CAPN6: variants seen among roughly 807,000 people sequenced by gnomAD.
The protein encoded by CAPN6 is calpain 6.
CAPN6 carries 16 observed loss-of-function variants against 46.0 expected under a neutral mutation model. That is an observed-to-expected ratio of 0.35 (90% CI 0.24 to 0.53). The LOEUF (loss-of-function observed/expected upper bound fraction) is 0.53, where lower values mean the gene tolerates loss of function less well. Ranked by LOEUF, CAPN6 falls within the 20% of genes least tolerant of loss-of-function variation. The probability of loss-of-function intolerance (pLI) is 0.94; values close to 1 mark genes in which losing one functional copy is unlikely to be tolerated. For synonymous variants in CAPN6, 206 were observed against 172.8 expected, an observed-to-expected ratio of 1.19 and a Z score of -1.51; for missense variants, 461 against 498.0, an observed-to-expected ratio of 0.93 and a Z score of 0.71.
At chrX:111,263,171 C>T (rs1241904855) in intron 2 of CAPN6, among the ~76,000 whole-genome samples, 2 of 111,809 alleles carry the variant, frequency 1.8e-5, no homozygotes, top group Admixed American at 1.9e-4. Flanking sequence ...GTTTTTTGTA[C>T]AGAAATATTC....
At position 111,252,487 on chromosome X, in the gene CAPN6, A is replaced by G. The variant is rs774490327; in HGVS notation, c.519T>C (p.Cys173=). 2 of 1,203,868 alleles carry G rather than the reference A, an allele frequency of 1.7e-6. No individual in the cohort carries two copies. Among genetic ancestry groups the G allele is most frequent in the South Asian group, 1.8e-5 (1 of 54,998 alleles). The stretch of plus-strand genomic sequence containing the variant: ...TGGTCAAACCATCCAGGGCCTCATA[A>G]CAGCCTAGCAGCCTGAGGGCAAGTA... The part of the protein sequence containing the change: ...LEKAYAKLLG[C]YEALDGLTIT... Residue 173 remains cysteine (C), a synonymous_variant, in exon 5 of 13, where the codon TGT becomes TGC. Coordinates refer to ENST00000324068, the MANE Select transcript of CAPN6 (RefSeq NM_014289.4).
chrX:111,252,129 G>A (rs2094980082), intron 5 of CAPN6, among the ~76,000 whole-genome samples, 178 bp downstream of exon 5: 1 of 111,657 alleles, frequency 9.0e-6, no homozygotes, highest in African/African-American at 3.3e-5. Flanking sequence ...TGGTACAAAA[G>A]GATAAAAAAC....
intron 2 of CAPN6, 127 bp downstream of exon 2, chrX:111,263,641 AAAAG>A (rs1200752247): frequency 1.6e-5 from 7 of 450,423 alleles, no homozygotes; most frequent in Non-Finnish European, 2.5e-5. Flanking sequence ...AGCTGAAAAA[AAAAG>A]AAAGGAAGGA....
rs1318492675 is a variant in CAPN6, at chrX:111,246,650, C to T, written c.1853G>A (p.Gly618Asp). The change falls in exon 13 of 13, where the codon GGT (glycine) becomes GAT (aspartate). Residue 618 changes from glycine (G) to aspartate (D), a missense_variant. Physicochemically the swap from Gly to Asp is moderately conservative, Grantham distance 94. Coordinates refer to ENST00000324068, the MANE Select transcript of CAPN6 (RefSeq NM_014289.4). The part of the protein sequence containing the change: ...LKSLYLRKKG[G>D]PTAKVKQGHI... ...GCCTTGCTTGACTTTGGCAGTTGGA[C>T]CACCCTTCTTACGCAGGTACAGAGA... 5.8e-6 allele frequency: 7 copies of T among 1,208,763 alleles called. No individual in the cohort carries two copies. The highest frequency in any genetic ancestry group is 1.1e-6 in the Non-Finnish European group (1 of 894,540).
intron 2 of CAPN6, among the ~76,000 whole-genome samples, chrX:111,255,857 A>G (rs995475874): frequency 2.7e-5 from 3 of 111,307 alleles, no homozygotes; most frequent in Non-Finnish European, 5.7e-5. Flanking sequence ...TTTTTTTTAG[A>G]TGCATGCCTG....
chrX:111,266,572 C>T (rs2094992149), intron 1 of CAPN6, among the ~76,000 whole-genome samples: 1 of 112,629 alleles, frequency 8.9e-6, no homozygotes, highest in South Asian at 3.6e-4. Flanking sequence ...ATGGCAATTT[C>T]TTGTTTGAAA....
intron 5 of CAPN6, 136 bp from the exon 6 acceptor site, chrX:111,251,878 A>G: frequency 2.0e-6 from 1 of 493,552 alleles, no homozygotes; most frequent in East Asian, 3.3e-5. Context: ...CTGACACCCA[A>G]CTTGAAACAA....
Position 111,267,778 on chromosome X carries a change from T to G in CAPN6, c.-16+2593A>C, listed in dbSNP as rs745372027. ...CTGCCTAGTTTCTCCTTTTCCTCAG[T>G]TTCATCCCTGTTCTGTACTTGGAGC... On this transcript the variant is annotated intron_variant, in intron 1 of 12. Coordinates refer to ENST00000324068, the MANE Select transcript of CAPN6 (RefSeq NM_014289.4). Among the ~76,000 whole-genome samples the G allele has an allele frequency of 1.2e-4, 13 of 111,426 alleles. No homozygotes were observed. In the Admixed American group the frequency reaches 1.2e-3, roughly 11 times the overall value.
rs951790817 is a variant in CAPN6 at position 111,248,555 on chromosome X, G to A, written c.1484+14C>T. 21 of 1,188,983 alleles carry A rather than the reference G, an allele frequency of 1.8e-5. No homozygotes were observed. Among genetic ancestry groups the A allele is most frequent in the African/African-American group, 5.3e-5 (3 of 56,829 alleles). On this transcript the variant is annotated intron_variant, in intron 10 of 12. Coordinates refer to ENST00000324068, the MANE Select transcript of CAPN6 (RefSeq NM_014289.4). ...AAAGAACAGGGGTTTGAGGGCTTGC[G>A]AAGGAAACTGAACCTGAGCTGGACA...
At chrX:111,249,754 G>T (rs2094977486) in intron 8 of CAPN6, among the ~76,000 whole-genome samples, 1 of 109,625 alleles carries the variant, frequency 9.1e-6, no homozygotes, top group Non-Finnish European at 1.9e-5. Flanking sequence ...GAATTCAAGG[G>T]TGCAGTGAAC....
intron 2 of CAPN6, among the ~76,000 whole-genome samples, chrX:111,262,863 TG>T (rs889959340): frequency 6.3e-5 from 7 of 112,000 alleles, no homozygotes; most frequent in African/African-American, 2.3e-4. Context: ...TAATAGGTGG[TG>T]AAAGACCTAC....
In CAPN6 at chrX:111,263,846, T is replaced by A; in HGVS notation, c.91A>T (p.Thr31Ser). The A allele has an allele frequency of 8.3e-7, 1 of 1,208,408 alleles. No individual in the cohort carries two copies. The highest frequency in any genetic ancestry group is 1.1e-6 in the Non-Finnish European group (1 of 893,261). Residue 31 changes from threonine (T) to serine (S), a missense_variant, in exon 2 of 13, where the codon ACA becomes TCA. Coordinates refer to ENST00000324068, the MANE Select transcript of CAPN6 (RefSeq NM_014289.4). ...AGAGAATCATTCTCAGGCAGAAATG[T>A]TGGATCACAGAAAAGTCTGCTGTCT... ...IKDSRLFCDP[T>S]FLPENDSLFY... is the part of the protein sequence containing the mutation.
At chrX:111,252,754 G>C (rs1235359969) in intron 4 of CAPN6, among the ~76,000 whole-genome samples, 1 of 112,092 alleles carries the variant, frequency 8.9e-6, no homozygotes, top group Non-Finnish European at 1.9e-5. Flanking sequence ...AGTGCCATGT[G>C]ATCTGCAGAT....
intron 3 of CAPN6, among the ~76,000 whole-genome samples, chrX:111,253,982 T>A (rs1569481096): frequency 8.9e-6 from 1 of 112,086 alleles, no homozygotes; most frequent in East Asian, 2.8e-4. Context: ...ACTGAGTCAA[T>A]GCACGGCAAA....
At chrX:111,262,747 G>A (rs1304064384) in intron 2 of CAPN6, among the ~76,000 whole-genome samples, 1 of 111,919 alleles carries the variant, frequency 8.9e-6, no homozygotes, top group East Asian at 2.8e-4. Flanking sequence ...TTTATACACT[G>A]AGCTCCTGCT....
chrX:111,251,490 G>A lies in CAPN6; in HGVS notation c.893+59C>T, dbSNP rs2094979434. 8 of 1,012,056 alleles carry A rather than the reference G, an allele frequency of 7.9e-6. No homozygotes were observed. The African/African-American group carries it at 9.4e-5, about 12-fold the overall frequency. The allele number at this position is 1,012,056 out of a possible 1,213,427, so 83.4% of individuals were successfully genotyped here. On this transcript the variant is annotated intron_variant, in intron 6 of 12. Transcript: ENST00000324068. ...CAGCACACTAGCAGTCTGGAGGGAT[G>A]GGTCTGGGAGAACTACAGGGCTTTG...
rs752312507 is a variant in CAPN6 at position 111,253,657 on chromosome X, T to C, written c.298-441A>G. ...TCTAGAGATTTTATATCAATTATATTAAATATGGATTTCATTTGCATTTTG... is the reference window on the plus strand; with the variant it reads ...TCTAGAGATTTTATATCAATTATATCAAATATGGATTTCATTTGCATTTTG... On this transcript the variant is annotated intron_variant, in intron 3 of 12. Transcript: ENST00000324068. Among the ~76,000 whole-genome samples the C allele has an allele frequency of 8.0e-5, 9 of 112,733 alleles. No individual in the cohort carries two copies. In the South Asian group the frequency reaches 3.3e-3, roughly 41 times the overall value.
intron 2 of CAPN6, among the ~76,000 whole-genome samples, chrX:111,262,343 T>C (rs776999769): frequency 1.2e-4 from 13 of 112,241 alleles, no homozygotes; most frequent in Non-Finnish European, 2.3e-4. Flanking sequence ...AGTAAACAAG[T>C]CTTGATGTAA....
intron 2 of CAPN6, among the ~76,000 whole-genome samples, chrX:111,260,834 A>C (rs759705742): frequency 8.9e-6 from 1 of 112,679 alleles, no homozygotes; most frequent in Non-Finnish European, 1.9e-5. Flanking sequence ...TGTCCATATG[A>C]CTGAAAATAG....
Sources: gnomAD v4.1 joint callset for allele counts (sites outside exome capture counted in the v4.1 genomes callset) on GRCh38, gnomAD v4.1.1 for gene constraint, MANE v1.5 for transcripts, NCBI Gene and HGNC (gene_info 2026-07-23, HGNC 2026-07-21) for gene names.